AKAP12: variants seen among roughly 807,000 people sequenced by gnomAD.
The protein encoded by AKAP12 is A-kinase anchor protein 12.
A neutral mutation model predicts 79.9 loss-of-function variants in AKAP12; 32 were observed. The ratio of observed to expected loss-of-function variants is 0.40; its 90% CI spans 0.30 to 0.54. The LOEUF (loss-of-function observed/expected upper bound fraction) is 0.54. Ranked by LOEUF, AKAP12 falls within the 20% of genes least tolerant of loss-of-function variation. The pLI is 0.48. For missense variants in AKAP12, 2,074 were observed against 2,177.0 expected (o/e 0.95, Z 0.94); for synonymous variants, 808 against 857.0 (o/e 0.94, Z 1.00).
chr6:151,295,108 C>T lies in AKAP12; in HGVS notation c.163-10639C>T, dbSNP rs117740047. ...GCAGTATACTCATGCTCTCAGAGACCGGTTTGATAAATGCCGATCTTTGAG... is the reference window on the plus strand; with the variant it reads ...GCAGTATACTCATGCTCTCAGAGACTGGTTTGATAAATGCCGATCTTTGAG... On this transcript the variant is annotated intron_variant, in intron 2 of 4. Transcript: ENST00000402676. Among the ~76,000 whole-genome samples, 28 of 152,234 alleles carry T rather than the reference C, an allele frequency of 1.8e-4. No individual in the cohort carries two copies. In the East Asian group the frequency reaches 3.1e-3, roughly 17 times the overall value.
At chr6:151,255,809 A>T (rs956018616) in intron 2 of AKAP12, among the ~76,000 whole-genome samples, 1 of 152,150 alleles carries the variant, frequency 6.6e-6, no homozygotes, top group African/African-American at 2.4e-5. Context: ...TTATTTAAAG[A>T]GCAAAAAGCA....
Position 151,348,913 on chromosome 6 carries a change from G to C in AKAP12, c.522G>C (p.Lys174Asn). The C allele has an allele frequency of 6.2e-7, 1 of 1,614,028 alleles. No homozygotes were observed. Among genetic ancestry groups the C allele is most frequent in the Admixed American group, 1.7e-5 (1 of 60,000 alleles). The stretch of plus-strand genomic sequence containing the variant: ...AGGCTAATGATATTGGATTTAAGAA[G>C]GTGTTTAAGTTTGTTGGCTTTAAAT... ...ESQANDIGFK[K>N]VFKFVGFKFT... The change falls in exon 4 of 5, where the codon AAG (lysine) becomes AAC (asparagine). Residue 174 changes from lysine to asparagine, a missense_variant. Physicochemically the swap from Lys to Asn is moderately conservative, Grantham distance 94. This residue lies in a region of AKAP12 where 1,428 missense variants were observed against 1,451.0 expected (regional missense o/e 0.98). Coordinates refer to ENST00000402676, the MANE Select transcript of AKAP12 (RefSeq NM_005100.4).
intron 2 of AKAP12, among the ~76,000 whole-genome samples, chr6:151,256,195 G>T (rs1430684770): frequency 6.6e-6 from 1 of 152,192 alleles, no homozygotes; most frequent in African/African-American, 2.4e-5. Flanking sequence ...TTGAAAAATA[G>T]TCTAGGAAAA....
chr6:151,302,019 CTT>C (rs373016759), intron 2 of AKAP12, among the ~76,000 whole-genome samples: 26 of 139,170 alleles, frequency 1.9e-4, no homozygotes, highest in Admixed American at 1.5e-4. Context: ...TTTTTTTTTT[CTT>C]TTTTTTTTTT....
At chr6:151,281,311 C>T (rs1424438368) in intron 2 of AKAP12, among the ~76,000 whole-genome samples, 1 of 152,186 alleles carries the variant, frequency 6.6e-6, no homozygotes. Flanking sequence ...TTGGCCACGT[C>T]AGTGATATTG....
intron 2 of AKAP12, among the ~76,000 whole-genome samples, chr6:151,285,847 A>C (rs1242885387): frequency 6.6e-6 from 1 of 151,770 alleles, no homozygotes; most frequent in Non-Finnish European, 1.5e-5. Flanking sequence ...GATCATCTAC[A>C]TCTATCACAT....
At chr6:151,305,581 A>G (rs1776960858) in intron 2 of AKAP12, among the ~76,000 whole-genome samples, 166 bp from the exon 3 acceptor site, 1 of 152,168 alleles carries the variant, frequency 6.6e-6, no homozygotes, top group Non-Finnish European at 1.5e-5. Flanking sequence ...CTTGTAAGGT[A>G]GCTGGATCTT....
chr6:151,259,900 TC>T (rs1797385739), intron 2 of AKAP12, among the ~76,000 whole-genome samples: 1 of 95,848 alleles, frequency 1.0e-5, no homozygotes, highest in South Asian at 2.7e-4. Context: ...AATGTAACTT[TC>T]TCTTTTTTTT....
chr6:151,285,434 A>G (rs1776486249), intron 2 of AKAP12, among the ~76,000 whole-genome samples: 1 of 142,134 alleles, frequency 7.0e-6, no homozygotes, highest in African/African-American at 2.6e-5. Context: ...ATTTCAATCT[A>G]CTGATTACCA....
chr6:151,320,256 C>T (rs530895614), intron 3 of AKAP12, among the ~76,000 whole-genome samples: 22 of 151,960 alleles, frequency 1.4e-4, no homozygotes, highest in African/African-American at 4.3e-4. Flanking sequence ...AGGCCTCTCC[C>T]GTTCTCTTCC....
At chr6:151,323,997 A>G (rs1318413928) in intron 3 of AKAP12, 1 of 985,358 alleles carries the variant, frequency 1.0e-6, no homozygotes, top group Non-Finnish European at 1.2e-6. Context: ...TTTATCCATG[A>G]TTTGCACAGC....
chr6:151,338,691 TC>T (rs1777875979), intron 3 of AKAP12, among the ~76,000 whole-genome samples: 1 of 152,178 alleles, frequency 6.6e-6, no homozygotes, highest in South Asian at 2.1e-4. Flanking sequence ...CTCCAGGTGA[TC>T]CGTCTACCTT....
chr6:151,343,114 C>T (rs907674855), intron 3 of AKAP12, among the ~76,000 whole-genome samples: 1 of 152,144 alleles, frequency 6.6e-6, no homozygotes, highest in East Asian at 1.9e-4. Context: ...ACCTTTATCT[C>T]CCTAGTTTTG....
intron 2 of AKAP12, among the ~76,000 whole-genome samples, chr6:151,269,973 T>C (rs973897598): frequency 1.3e-5 from 2 of 152,208 alleles, no homozygotes; most frequent in African/African-American, 4.8e-5. Flanking sequence ...AATCATACAA[T>C]ATGTGGCCTT....
chr6:151,283,677 C>T (rs1270814206), intron 2 of AKAP12, among the ~76,000 whole-genome samples: 2 of 152,268 alleles, frequency 1.3e-5, no homozygotes, highest in South Asian at 4.1e-4. Flanking sequence ...GCGAGGCATT[C>T]TGATCAGAGA....
At chr6:151,323,667 G>C (rs1170298916) in intron 3 of AKAP12, 1 of 977,706 alleles carries the variant, frequency 1.0e-6, no homozygotes, top group East Asian at 1.1e-4. Flanking sequence ...ATGTTGTTTA[G>C]GGTATTAAAT....
intron 2 of AKAP12, among the ~76,000 whole-genome samples, chr6:151,271,138 A>G (rs1226786531): frequency 1.3e-5 from 2 of 152,122 alleles, no homozygotes; most frequent in African/African-American, 2.4e-5. Flanking sequence ...TGTTAGTTAC[A>G]GGTCAGAATC....
chr6:151,260,868 T>C (rs925133880), intron 2 of AKAP12, among the ~76,000 whole-genome samples: 8 of 152,052 alleles, frequency 5.3e-5, no homozygotes, highest in Non-Finnish European at 1.2e-4. Context: ...GGTGCGCACC[T>C]GTAGTCCCAG....
chr6:151,271,017 T>C (rs753475565), intron 2 of AKAP12, among the ~76,000 whole-genome samples: 61 of 152,282 alleles, frequency 4.0e-4, no homozygotes, highest in South Asian at 1.7e-3. Context: ...TTTGGGGAGT[T>C]AGTTGCTAAA....
Sources: gnomAD v4.1 joint callset for allele counts (sites outside exome capture counted in the v4.1 genomes callset) on GRCh38, gnomAD v4.1.1 for gene constraint, gnomAD v4.1.1 regional missense constraint, MANE v1.5 for transcripts, NCBI Gene and HGNC (gene_info 2026-07-23, HGNC 2026-07-21) for gene names.